Variants in WWTR1 observed in about 807,000 individuals in gnomAD.
WWTR1 encodes the protein WW domain-containing transcription regulator protein 1.
A neutral mutation model predicts 40.1 loss-of-function variants in WWTR1; 13 were observed. The observed-to-expected ratio is 0.32, with a 90% CI of 0.21 to 0.52. WWTR1 has a LOEUF of 0.52. WWTR1 is among the 20% of genes least tolerant of loss of function. WWTR1 has a pLI of 0.97. For synonymous variants in WWTR1, 230 were observed against 210.1 expected, an observed-to-expected ratio of 1.09 and a Z score of -0.82; for missense variants, 436 against 523.1, an observed-to-expected ratio of 0.83 and a Z score of 1.63.
chr3:149,594,745 C>CAT (rs1374160176), intron 2 of WWTR1, among the ~76,000 whole-genome samples: 1 of 151,678 alleles, frequency 6.6e-6, no homozygotes, highest in African/African-American at 2.4e-5. Context: ...ACCACACACA[C>CAT]ACACACAGAG....
At chr3:149,714,788 TGCTTTTCCCTG>T (rs925057939) in intron 5 of WWTR1, among the ~76,000 whole-genome samples, 7 of 152,066 alleles carry the variant, frequency 4.6e-5, no homozygotes, top group Non-Finnish European at 1.0e-4. Flanking sequence ...GAACGTGTGG[TGCTTTTCCCTG>T]GGCCCATCCA....
At chr3:149,593,786 T>C (rs1738846417) in intron 2 of WWTR1, among the ~76,000 whole-genome samples, 1 of 152,222 alleles carries the variant, frequency 6.6e-6, no homozygotes, top group African/African-American at 2.4e-5. Context: ...GTGGGAATTA[T>C]TTTGTGTGAA....
At position 149,715,494 on chromosome 3, in the gene WWTR1, G is replaced by A. The variant is rs866266696; in HGVS notation, n.584+1948C>T. Reference sequence around the variant, plus strand: ...GCCGGCGTATTTGTGCGCAGTGGCCGGATCCCACGCTTGCTTACACATCCC... The same window carrying A: ...GCCGGCGTATTTGTGCGCAGTGGCCAGATCCCACGCTTGCTTACACATCCC... On this transcript the variant is annotated intron_variant and non_coding_transcript_variant, in intron 5 of 6. Coordinates refer to the WWTR1 transcript ENST00000474080. 2.0e-5 allele frequency among the ~76,000 whole-genome samples: 3 copies of A among 152,372 alleles called. No homozygotes were observed. The South Asian group carries it at 6.2e-4, about 32-fold the overall frequency.
At chr3:149,689,325 G>A (rs1714744893) in intron 1 of WWTR1, among the ~76,000 whole-genome samples, 1 of 137,294 alleles carries the variant, frequency 7.3e-6, no homozygotes, top group African/African-American at 2.7e-5. Flanking sequence ...AGGTTGCAGT[G>A]AGCTGAGATC....
intron 6 of WWTR1, 29 bp downstream of exon 6, chr3:149,525,984 T>A: frequency 1.4e-6 from 2 of 1,387,974 alleles, no homozygotes; most frequent in Non-Finnish European, 2.0e-6. Flanking sequence ...CACAAACCCA[T>A]TGTAAGTGCT....
chr3:149,596,814 T>C (rs560081442), intron 2 of WWTR1, among the ~76,000 whole-genome samples: 1 of 152,326 alleles, frequency 6.6e-6, no homozygotes, highest in South Asian at 2.1e-4. Flanking sequence ...AGTGGAGATA[T>C]TGCACAGTGG....
chr3:149,590,999 CTTT>C (rs35562651), intron 2 of WWTR1, among the ~76,000 whole-genome samples: 19 of 144,240 alleles, frequency 1.3e-4, no homozygotes, highest in African/African-American at 3.6e-4. Context: ...CAAAACTTAG[CTTT>C]TTTTTTTTTT....
chr3:149,556,349 G>A (rs1736823527), intron 3 of WWTR1, among the ~76,000 whole-genome samples: 1 of 152,206 alleles, frequency 6.6e-6, no homozygotes, highest in Non-Finnish European at 1.5e-5. Flanking sequence ...GGGAGGCCGA[G>A]GTGGGCAGAT....
chr3:149,575,894 G>A, intron 2 of WWTR1: 1 of 447,520 alleles, frequency 2.2e-6, no homozygotes. Context: ...TTCTGACCGA[G>A]CTTACCCATG....
chr3:149,684,218 C>T (rs1265434974), intron 1 of WWTR1, among the ~76,000 whole-genome samples: 6 of 152,010 alleles, frequency 3.9e-5, no homozygotes, highest in Admixed American at 1.3e-4. Flanking sequence ...GACAGGGTCT[C>T]GCTATGTTGC....
intron 1 of WWTR1, among the ~76,000 whole-genome samples, chr3:149,693,635 C>T (rs759755349): frequency 6.6e-6 from 1 of 152,094 alleles, no homozygotes; most frequent in African/African-American, 2.4e-5. Flanking sequence ...AACAGAAACA[C>T]AGACCAATGG....
At chr3:149,585,201 C>G (rs1576579292) in intron 2 of WWTR1, among the ~76,000 whole-genome samples, 1 of 151,742 alleles carries the variant, frequency 6.6e-6, no homozygotes, top group Non-Finnish European at 1.5e-5. Context: ...AGAACGATCT[C>G]TGCTCACTGC....
intron 4 of WWTR1, among the ~76,000 whole-genome samples, chr3:149,535,240 A>G (rs1253366536): frequency 2.0e-5 from 3 of 151,978 alleles, no homozygotes; most frequent in African/African-American, 2.4e-5. Context: ...AAATGAAAAA[A>G]AAAAAGACAG....
At chr3:149,553,269 CA>C (rs1736688344) in intron 3 of WWTR1, among the ~76,000 whole-genome samples, 1 of 152,180 alleles carries the variant, frequency 6.6e-6, no homozygotes, top group Non-Finnish European at 1.5e-5. Context: ...CAATGATCAC[CA>C]ACGGATCACC....
intron 2 of WWTR1, among the ~76,000 whole-genome samples, chr3:149,663,967 G>T (rs1044140982): frequency 1.6e-4 from 25 of 152,366 alleles, no homozygotes; most frequent in African/African-American, 5.8e-4. Context: ...CCATGCAGGA[G>T]TGTTCTGTAC....
At chr3:149,695,989 T>C (rs898192185) in intron 1 of WWTR1, among the ~76,000 whole-genome samples, 2 of 148,616 alleles carry the variant, frequency 1.3e-5, no homozygotes, top group Non-Finnish European at 3.0e-5. Context: ...GGTGGGCGCC[T>C]GTAGTCCCAG....
intron 2 of WWTR1, among the ~76,000 whole-genome samples, chr3:149,593,411 C>A (rs1313697492): frequency 2.0e-5 from 3 of 150,018 alleles, no homozygotes; most frequent in African/African-American, 7.4e-5. Context: ...TAATTGCATG[C>A]TCATTGTAAT....
chr3:149,534,400 A>G (rs1735731012), intron 4 of WWTR1, among the ~76,000 whole-genome samples: 1 of 152,088 alleles, frequency 6.6e-6, no homozygotes, highest in South Asian at 2.1e-4. Flanking sequence ...AAGTTACTTC[A>G]CTTTTCCGAG....
intron 3 of WWTR1, among the ~76,000 whole-genome samples, chr3:149,556,487 G>A (rs1039032988): frequency 3.3e-5 from 5 of 152,210 alleles, no homozygotes; most frequent in Admixed American, 3.3e-4. Flanking sequence ...GCTGAGGCGG[G>A]AGAATTGCTT....
Sources: gnomAD v4.1 joint callset for allele counts (sites outside exome capture counted in the v4.1 genomes callset) on GRCh38, gnomAD v4.1.1 for gene constraint, MANE v1.5 for transcripts, NCBI Gene and HGNC (gene_info 2026-07-23, HGNC 2026-07-21) for gene names.